Variants in STRADA observed in about 807,000 individuals in gnomAD.
STRADA encodes STE20 related adaptor alpha.
STRADA carries 26 observed loss-of-function variants against 55.0 expected under a neutral mutation model. The ratio of observed to expected loss-of-function variants is 0.47; its 90% CI spans 0.35 to 0.66. The LOEUF (loss-of-function observed/expected upper bound fraction) is 0.66, where lower values mean the gene tolerates loss of function less well. STRADA is among the 30% of genes least tolerant of loss of function. The pLI is 0.01. For missense variants in STRADA, 443 were observed against 549.7 expected, an observed-to-expected ratio of 0.81 and a Z score of 1.94; for synonymous variants, 197 against 210.9, an observed-to-expected ratio of 0.93 and a Z score of 0.57.
chr17:63,708,624 T>A (rs2036277969), intron 8 of STRADA, among the ~76,000 whole-genome samples: 1 of 152,208 alleles, frequency 6.6e-6, no homozygotes, highest in Non-Finnish European at 1.5e-5. Context: ...AGCCTCCACC[T>A]CCCAGGTTCA....
chr17:63,738,290 G>C (rs1264996222), intron 1 of STRADA, among the ~76,000 whole-genome samples: 2 of 144,846 alleles, frequency 1.4e-5, no homozygotes, highest in Non-Finnish European at 3.0e-5. Flanking sequence ...GTAGTGAGCC[G>C]AGAGTACACC....
chr17:63,709,396 C>A (rs750332380), intron 8 of STRADA, among the ~76,000 whole-genome samples: 13 of 152,208 alleles, frequency 8.5e-5, no homozygotes, highest in Non-Finnish European at 1.9e-4. Context: ...GGGGTTTCCT[C>A]TTTTGTAAAC....
At chr17:63,735,143 C>T (rs1435619695) in intron 1 of STRADA, among the ~76,000 whole-genome samples, 4 of 152,124 alleles carry the variant, frequency 2.6e-5, no homozygotes, top group Non-Finnish European at 5.9e-5. Flanking sequence ...GGTGACAGAG[C>T]GAGACTCTGT....
At chr17:63,713,935 G>A (rs1421060031) in intron 5 of STRADA, 71 bp downstream of exon 5, 5 of 1,260,290 alleles carry the variant, frequency 4.0e-6, no homozygotes, top group Non-Finnish European at 5.8e-6. Flanking sequence ...ACACACATCT[G>A]GGGCTGCTGA....
At chr17:63,736,844 C>T (rs1346819174) in intron 1 of STRADA, among the ~76,000 whole-genome samples, 4 of 139,586 alleles carry the variant, frequency 2.9e-5, no homozygotes, top group African/African-American at 1.1e-4. Context: ...CCACGCCCCC[C>T]CCACCAAAAA....
intron 4 of STRADA, chr17:63,718,944 G>A (rs1223875039): frequency 2.0e-5 from 3 of 152,128 alleles, no homozygotes; most frequent in African/African-American, 7.2e-5. Flanking sequence ...TTCCACTAAA[G>A]TTTCTTCCAT....
chr17:63,725,246 A>G (rs2037566061), intron 3 of STRADA, among the ~76,000 whole-genome samples: 1 of 152,050 alleles, frequency 6.6e-6, no homozygotes, highest in Non-Finnish European at 1.5e-5. Flanking sequence ...CAAAACAACA[A>G]CAAAATAAAA....
Position 63,703,989 on chromosome 17 carries a change from G to GAACC in STRADA, c.1143+15_1143+16insGGTT, listed in dbSNP as rs770428929. 9 of 1,379,904 alleles carry GAACC rather than the reference G, an allele frequency of 6.5e-6. No homozygotes were observed. In the African/African-American group the frequency reaches 1.3e-4, roughly 20 times the overall value. 85.5% of individuals were successfully genotyped at this position (1,379,904 alleles called of 1,614,324 possible). A position where few individuals can be genotyped will look rare whatever the true frequency, so the allele number is the denominator to read the frequency against. On this transcript the variant is annotated intron_variant, in intron 12 of 12. Coordinates refer to ENST00000336174, the MANE Select transcript of STRADA (RefSeq NM_001003787.4). ...CCAGAACTAGAACCAGAACCAGAAC[G>GAACC]AAGGGGCTACGATACCTGCTTGAAG...
At chr17:63,713,614 C>T in intron 5 of STRADA, 87 bp from the exon 6 acceptor site, 1 of 1,513,588 alleles carries the variant, frequency 6.6e-7, no homozygotes. Context: ...GACTTGATTT[C>T]AAAAGAAACT....
intron 8 of STRADA, 80 bp downstream of exon 8, chr17:63,710,411 C>A (rs1000334951): frequency 5.7e-6 from 9 of 1,580,276 alleles, no homozygotes; most frequent in Middle Eastern, 2.3e-4. Flanking sequence ...TCATTAACTT[C>A]AGTCAAACTT....
At chr17:63,709,022 G>C (rs1486055197) in intron 8 of STRADA, among the ~76,000 whole-genome samples, 2 of 152,034 alleles carry the variant, frequency 1.3e-5, no homozygotes, top group Non-Finnish European at 2.9e-5. Flanking sequence ...TTGTCACCTT[G>C]GTTCTGGGAA....
rs2035971646 is a variant in STRADA, at chr17:63,704,812, A to G, written c.859-230T>C. ...CAACGTGAAAGGAGAGGGGTTGCAC[A>G]AAAGTACCCGCTTTCGCCATGGCTG... On this transcript the variant is annotated intron_variant, in intron 10 of 12. Coordinates refer to ENST00000336174, the MANE Select transcript of STRADA (RefSeq NM_001003787.4). 5 of 1,535,020 alleles carry G rather than the reference A, an allele frequency of 3.3e-6. No homozygotes were observed. The African/African-American group carries it at 4.1e-5, about 13-fold the overall frequency.
intron 4 of STRADA, 76 bp from the exon 5 acceptor site, chr17:63,714,184 A>T: frequency 9.4e-7 from 1 of 1,066,794 alleles, no homozygotes. Flanking sequence ...GTGGTAATTC[A>T]GACCCACGAG....
chr17:63,703,275 C>G lies in STRADA; in HGVS notation c.*324G>C, dbSNP rs1021043175. On this transcript the variant is annotated 3_prime_UTR_variant, in exon 13 of 13. Coordinates refer to ENST00000336174, the MANE Select transcript of STRADA (RefSeq NM_001003787.4). ...CGGTCCTCGGGTTTAAGGAGCCAAA[C>G]CCTGGGCTTGGAATTCAGCTCCCAG... is the stretch of plus-strand genomic sequence containing the variant. 1.2e-5 allele frequency: 3 copies of G among 246,566 alleles called. No homozygotes were observed. Among genetic ancestry groups the G allele is most frequent in the African/African-American group, 6.8e-5 (3 of 44,236 alleles). 15.3% of individuals were successfully genotyped at this position (246,566 alleles called of 1,614,324 possible). A position where few individuals can be genotyped will look rare whatever the true frequency, so the allele number is the denominator to read the frequency against.
intron 1 of STRADA, among the ~76,000 whole-genome samples, chr17:63,739,829 T>C (rs1253459379): frequency 6.8e-6 from 1 of 146,922 alleles, no homozygotes; most frequent in Non-Finnish European, 1.5e-5. Context: ...TGTACATAAT[T>C]ATATGTATAT....
At chr17:63,728,240 C>T (rs1268807084) in intron 2 of STRADA, 94 bp downstream of exon 2, 12 of 1,197,156 alleles carry the variant, frequency 1.0e-5, no homozygotes, top group Non-Finnish European at 1.5e-5. Context: ...ATCATTCCGA[C>T]CCTCACGTAG....
rs1166773282 is a variant in STRADA, at chr17:63,710,546, G to A, written c.526C>T (p.Leu176=). ...TCGAGGGCCTTCAGCACCCCCTGCA[G>A]GATGTAAGCAATCGCCAGCTCATTC... The part of the protein sequence containing the change: ...GMNELAIAYI[L]QGVLKALDYI... Residue 176 remains leucine, a synonymous_variant, in exon 8 of 13, where the codon CTG becomes TTG. Coordinates refer to ENST00000336174, the MANE Select transcript of STRADA (RefSeq NM_001003787.4). 1.2e-6 allele frequency: 2 copies of A among 1,614,022 alleles called. No individual in the cohort carries two copies. The highest frequency in any genetic ancestry group is 1.7e-5 in the Admixed American group (1 of 60,020).
intron 4 of STRADA, among the ~76,000 whole-genome samples, chr17:63,720,535 AAGGCCG>A (rs1363920253): frequency 2.0e-5 from 3 of 149,360 alleles, no homozygotes; most frequent in Admixed American, 6.6e-5. Context: ...AGCACTTTGG[AAGGCCG>A]AGGCAGGCGG....
chr17:63,718,652 C>A (rs2037070069), intron 4 of STRADA: 1 of 152,184 alleles, frequency 6.6e-6, no homozygotes, highest in Admixed American at 6.6e-5. Context: ...CATTCCACAC[C>A]ACGCTCGCCT....
Sources: gnomAD v4.1 joint callset for allele counts (sites outside exome capture counted in the v4.1 genomes callset) on GRCh38, gnomAD v4.1.1 for gene constraint, MANE v1.5 for transcripts, NCBI Gene and HGNC (gene_info 2026-07-23, HGNC 2026-07-21) for gene names.